Variants in CENPP observed in about 807,000 individuals in gnomAD.
CENPP encodes centromere protein P.
CENPP carries 24 observed loss-of-function variants against 35.6 expected under a neutral mutation model. The observed-to-expected ratio is 0.67, with a 90% CI of 0.49 to 0.95. The LOEUF (loss-of-function observed/expected upper bound fraction) is 0.95. Among genes scored for constraint, CENPP ranks in the 40% least tolerant of loss-of-function variants. CENPP has a pLI of 0.00. For missense variants in CENPP, 332 were observed against 345.3 expected (o/e 0.96, Z 0.31); for synonymous variants, 120 against 125.5 (o/e 0.96, Z 0.29).
chr9:92,546,312 G>A (rs1220392139), intron 5 of CENPP, among the ~76,000 whole-genome samples: 1 of 152,204 alleles, frequency 6.6e-6, no homozygotes, highest in African/African-American at 2.4e-5. Context: ...GCCCAAGCTA[G>A]CCCTGACAAC....
chr9:92,326,604 G>T (rs1055146517), intron 1 of CENPP, among the ~76,000 whole-genome samples: 1 of 152,220 alleles, frequency 6.6e-6, no homozygotes, highest in African/African-American at 2.4e-5. Flanking sequence ...TCTGAGGTAG[G>T]TGCTACTGTT....
chr9:92,591,866 A>G (rs953393094), intron 5 of CENPP, among the ~76,000 whole-genome samples: 2 of 152,122 alleles, frequency 1.3e-5, no homozygotes. Flanking sequence ...AATTTAATTT[A>G]TTTCGTTATT....
intron 3 of CENPP, among the ~76,000 whole-genome samples, chr9:92,341,103 A>G (rs1428622807): frequency 6.6e-6 from 1 of 152,122 alleles, no homozygotes; most frequent in East Asian, 1.9e-4. Flanking sequence ...GACTGCAGAG[A>G]TGAAATATAC....
chr9:92,386,830 C>T (rs903342507), intron 5 of CENPP, among the ~76,000 whole-genome samples: 1 of 151,956 alleles, frequency 6.6e-6, no homozygotes, highest in Non-Finnish European at 1.5e-5. Context: ...GATCTGCCCG[C>T]CTCAGCCTCC....
intron 5 of CENPP, chr9:92,496,567 AT>A: frequency 6.5e-7 from 1 of 1,527,180 alleles, no homozygotes; most frequent in South Asian, 1.3e-5. Flanking sequence ...TGTTAAAAAA[AT>A]TTTGTTCTTA....
intron 5 of CENPP, among the ~76,000 whole-genome samples, chr9:92,569,805 A>G (rs1221814794): frequency 2.0e-5 from 3 of 152,066 alleles, no homozygotes; most frequent in African/African-American, 7.2e-5. Context: ...CATCCCTTGT[A>G]AGTTGGATTC....
intron 5 of CENPP, among the ~76,000 whole-genome samples, chr9:92,387,575 T>G (rs1365254799): frequency 6.6e-6 from 1 of 152,040 alleles, no homozygotes; most frequent in Non-Finnish European, 1.5e-5. Flanking sequence ...CTGTGGTAGA[T>G]TTTGCTAATT....
chr9:92,531,359 C>G (rs10118939), intron 5 of CENPP, among the ~76,000 whole-genome samples: 57,610 of 151,966 alleles, frequency 0.38, 13,612 homozygotes, highest in African/African-American at 0.67. Flanking sequence ...CTGGACAATA[C>G]AAGAACCAGG....
At chr9:92,521,488 G>T (rs542252079) in intron 5 of CENPP, among the ~76,000 whole-genome samples, 15 of 152,086 alleles carry the variant, frequency 9.9e-5, no homozygotes, top group Non-Finnish European at 2.1e-4. Context: ...TAAATACATG[G>T]AAATAATTAA....
intron 5 of CENPP, among the ~76,000 whole-genome samples, chr9:92,539,439 T>G (rs982757470): frequency 6.7e-6 from 1 of 150,158 alleles, no homozygotes; most frequent in Non-Finnish European, 1.5e-5. Context: ...TTTTATGGGT[T>G]TGAGTCCCAT....
intron 5 of CENPP, among the ~76,000 whole-genome samples, chr9:92,444,289 G>A (rs971805858): frequency 1.3e-5 from 2 of 151,958 alleles, no homozygotes; most frequent in Non-Finnish European, 2.9e-5. Flanking sequence ...CTTTTCATGT[G>A]TTTATTTGGT....
intron 5 of CENPP, among the ~76,000 whole-genome samples, chr9:92,430,509 A>G (rs1188792142): frequency 1.3e-5 from 2 of 151,374 alleles, no homozygotes; most frequent in African/African-American, 2.4e-5. Flanking sequence ...GGCACCCACA[A>G]CTACACCTGG....
chr9:92,440,973 A>C (rs1274724704), intron 5 of CENPP, among the ~76,000 whole-genome samples: 1 of 152,248 alleles, frequency 6.6e-6, no homozygotes, highest in Non-Finnish European at 1.5e-5. Flanking sequence ...AATTGTTATC[A>C]AACAAGTGTT....
chr9:92,395,527 A>G (rs1842859970), intron 5 of CENPP, among the ~76,000 whole-genome samples: 1 of 152,192 alleles, frequency 6.6e-6, no homozygotes, highest in African/African-American at 2.4e-5. Flanking sequence ...GTAAGTACCT[A>G]AGGAGTGGAA....
At position 92,345,795 on chromosome 9, in the gene CENPP, A is replaced by G. The variant is rs930080838; in HGVS notation, c.467+8A>G. 6.5e-7 allele frequency: 1 copy of G among 1,546,266 alleles called. No individual in the cohort carries two copies. Among genetic ancestry groups the G allele is most frequent in the South Asian group, 1.2e-5 (1 of 86,840 alleles). The stretch of plus-strand genomic sequence containing the variant: ...AAGTGAATTTGTGTCTAGGTAAGCT[A>G]TTTTACAAACTTACTTTTTTAGAGA... On this transcript the variant is annotated splice_region_variant and intron_variant, in intron 4 of 7. Coordinates refer to ENST00000375587, the MANE Select transcript of CENPP (RefSeq NM_001012267.3).
At position 92,611,376 on chromosome 9, in the gene CENPP, C is replaced by G. The variant is rs765846544; in HGVS notation, c.627C>G (p.Arg209=). 2 of 1,613,276 alleles carry G rather than the reference C, an allele frequency of 1.2e-6. No individual in the cohort carries two copies. Among genetic ancestry groups the G allele is most frequent in the Non-Finnish European group, 1.7e-6 (2 of 1,179,936 alleles). The change falls in exon 6 of 8, where the codon CGC becomes CGG. Residue 209 remains arginine (R), a synonymous_variant. Coordinates refer to ENST00000375587, the MANE Select transcript of CENPP (RefSeq NM_001012267.3). ...EGPSSCSMGI[R]SASRPGFELV... ...CCTCCTCCTGCTCCATGGGGATCCG[C>G]AGCGCCAGCCGGCCAGGGTGAGCCT...
chr9:92,404,441 G>A, intron 5 of CENPP: 1 of 1,115,320 alleles, frequency 9.0e-7, no homozygotes, highest in Non-Finnish European at 1.2e-6. Context: ...TATTAGATGA[G>A]TCAGTCGCAC....
chr9:92,338,545 T>C (rs1841005296), intron 3 of CENPP, among the ~76,000 whole-genome samples: 1 of 152,204 alleles, frequency 6.6e-6, no homozygotes, highest in Non-Finnish European at 1.5e-5. Context: ...GTATATTGTT[T>C]AGGGAATCAT....
intron 4 of CENPP, among the ~76,000 whole-genome samples, chr9:92,355,566 G>A (rs1044905773): frequency 6.6e-6 from 1 of 152,096 alleles, no homozygotes; most frequent in African/African-American, 2.4e-5. Context: ...CAATCTAGCT[G>A]AACAAATAAG....
Sources: allele counts gnomAD v4.1 joint callset (sites outside exome capture counted in the v4.1 genomes callset), GRCh38; gene constraint gnomAD v4.1.1; transcripts MANE v1.5; gene names NCBI Gene and HGNC (gene_info 2026-07-23, HGNC 2026-07-21).